Variants in MCPH1 observed in about 807,000 individuals in gnomAD.
MCPH1 encodes microcephalin.
MCPH1 carries 104 observed loss-of-function variants against 84.5 expected under a neutral mutation model. That is an observed-to-expected ratio of 1.23 (90% CI 1.05 to 1.45). MCPH1 has a LOEUF of 1.45. Ranked by LOEUF, MCPH1 falls within the 40% of genes most tolerant of loss-of-function variation. MCPH1 has a pLI of 0.00. For missense variants in MCPH1, 1,498 were observed against 1,005.7 expected, an observed-to-expected ratio of 1.49 and a Z score of -6.62; for synonymous variants, 514 against 366.8, an observed-to-expected ratio of 1.40 and a Z score of -4.58.
chr8:6,431,633 C>A lies in MCPH1; in HGVS notation c.321+47C>A. ...AGATAATGGCAATTAGGAATTTATT[C>A]GTTTTTATTTTTTATTTCTAGAAAA... is the stretch of plus-strand genomic sequence containing the variant. On this transcript the variant is annotated intron_variant, in intron 4 of 13. Transcript: ENST00000344683. 3.1e-6 allele frequency: 4 copies of A among 1,292,532 alleles called. No homozygotes were observed. In the South Asian group the frequency reaches 3.8e-5, roughly 12 times the overall value. The allele number at this position is 1,292,532 out of a possible 1,614,324, so 80.1% of individuals were successfully genotyped here.
At chr8:6,567,753 C>T (rs1826319917) in intron 12 of MCPH1, among the ~76,000 whole-genome samples, 1 of 152,114 alleles carries the variant, frequency 6.6e-6, no homozygotes, top group South Asian at 2.1e-4. Flanking sequence ...CATCTGGGAC[C>T]CCTTCACTCT....
rs535041696 is a variant in MCPH1 at position 6,409,761 on chromosome 8, G to T, written c.114+391G>T. On this transcript the variant is annotated intron_variant, in intron 2 of 13. Transcript: ENST00000344683. ...CTGGAGCTTGGAGTGTTCAAGGCTA[G>T]AGATGATGATCTAGGGGGTCAGGAC... is the stretch of plus-strand genomic sequence containing the variant. 1.5e-3 allele frequency among the ~76,000 whole-genome samples: 227 copies of T among 152,310 alleles called. 1 individual carries two copies. Among genetic ancestry groups the T allele is most frequent in the Non-Finnish European group, 2.6e-3 (180 of 68,026 alleles).
intron 12 of MCPH1, chr8:6,500,927 A>G (rs1166621398): frequency 6.6e-6 from 1 of 152,214 alleles, no homozygotes; most frequent in Admixed American, 6.5e-5. Flanking sequence ...TTTTTCCTGC[A>G]TTAGCGTTTC....
At chr8:6,483,082 T>C (rs1014508163) in intron 11 of MCPH1, among the ~76,000 whole-genome samples, 1 of 152,232 alleles carries the variant, frequency 6.6e-6, no homozygotes, top group Non-Finnish European at 1.5e-5. Flanking sequence ...GTCATCCAGA[T>C]GCAAGAATTC....
intron 12 of MCPH1, among the ~76,000 whole-genome samples, chr8:6,537,630 T>C (rs1820750690): frequency 6.6e-6 from 1 of 151,964 alleles, no homozygotes; most frequent in South Asian, 2.1e-4. Flanking sequence ...CCCACAACGT[T>C]TTGAATGATC....
At chr8:6,439,358 T>G (rs1448247951) in intron 6 of MCPH1, among the ~76,000 whole-genome samples, 2 of 99,600 alleles carry the variant, frequency 2.0e-5, no homozygotes, top group African/African-American at 5.4e-5. Flanking sequence ...TGGAATTTTT[T>G]CTTTCTTTTT....
chr8:6,642,079 T>A (rs1797972973), intron 13 of MCPH1, among the ~76,000 whole-genome samples: 1 of 152,212 alleles, frequency 6.6e-6, no homozygotes, highest in South Asian at 2.1e-4. Context: ...CATTTTTTTC[T>A]TTTTTGTACC....
intron 3 of MCPH1, among the ~76,000 whole-genome samples, chr8:6,416,417 C>T (rs750040227): frequency 1.3e-5 from 2 of 152,124 alleles, no homozygotes; most frequent in African/African-American, 2.4e-5. Flanking sequence ...TTCAGTATTT[C>T]ATTATTTCGT....
At chr8:6,452,908 G>A (rs1330786317) in intron 8 of MCPH1, among the ~76,000 whole-genome samples, 1 of 152,210 alleles carries the variant, frequency 6.6e-6, no homozygotes, top group African/African-American at 2.4e-5. Context: ...GTGCATGTTC[G>A]TTGGAATTTC....
In MCPH1 at chr8:6,455,247, A is replaced by C. The variant is rs201848494; in HGVS notation, c.1930A>C (p.Lys644Gln). 1.7e-5 allele frequency: 28 copies of C among 1,605,544 alleles called. 1 individual carries two copies. In the South Asian group the frequency reaches 2.7e-4, roughly 16 times the overall value. Residue 644 changes from lysine (K) to glutamine (Q), a missense_variant, in exon 9 of 14, where the codon AAA (lysine) becomes CAA (glutamine). By Grantham distance (53) the Lys-to-Gln change is moderately conservative. Transcript: ENST00000344683. ...GGAATTGAAGAAAAGTGGGAGAGGC[A>C]AAAAGGTCAGTGTGTAAAAATATTA... ...HEELKKSGRG[K>Q]KPTRTLVMTS...
chr8:6,449,233 C>G (rs1037525012), intron 8 of MCPH1, among the ~76,000 whole-genome samples: 2 of 152,198 alleles, frequency 1.3e-5, no homozygotes, highest in Admixed American at 1.3e-4. Context: ...CTCTTAGATT[C>G]TTCTCTCGAT....
At chr8:6,625,724 C>T (rs1210524681) in intron 13 of MCPH1, 47 of 971,060 alleles carry the variant, frequency 4.8e-5, no homozygotes, top group Non-Finnish European at 5.5e-5. Flanking sequence ...TTCAAGGCTG[C>T]GGTGAGCAAC....
intron 12 of MCPH1, among the ~76,000 whole-genome samples, chr8:6,602,676 T>C (rs1016295128): frequency 6.6e-6 from 1 of 152,132 alleles, no homozygotes; most frequent in Admixed American, 6.5e-5. Flanking sequence ...TTGCTTTCCT[T>C]GTTGTTTACA....
Position 6,543,949 on chromosome 8 carries a change from T to G in MCPH1, c.2214+44020T>G, listed in dbSNP as rs940057657. 2.0e-5 allele frequency among the ~76,000 whole-genome samples: 3 copies of G among 152,256 alleles called. No homozygotes were observed. The East Asian group carries it at 5.8e-4, about 29-fold the overall frequency. On this transcript the variant is annotated intron_variant, in intron 12 of 13. Coordinates refer to ENST00000344683, the MANE Select transcript of MCPH1 (RefSeq NM_024596.5). ...CAGATTATTTAACGGGGCTATGTTT[T>G]GCACCTTAATCTTTAAAGTTGCAAT...
chr8:6,617,934 T>TCTATCTAG (rs1263239755), intron 12 of MCPH1, among the ~76,000 whole-genome samples: 3 of 151,712 alleles, frequency 2.0e-5, no homozygotes, highest in Non-Finnish European at 4.4e-5. Context: ...TATCTATCTA[T>TCTATCTAG]CTATCTATCT....
At chr8:6,513,340 T>C (rs2515420) in intron 12 of MCPH1, among the ~76,000 whole-genome samples, 64,461 of 150,468 alleles carry the variant, frequency 0.43, 14,017 homozygotes, top group Middle Eastern at 0.52. Flanking sequence ...TTTTTCTTTT[T>C]TTTTTTTTTT....
chr8:6,426,497 T>C (rs1801080714), intron 3 of MCPH1, among the ~76,000 whole-genome samples: 1 of 152,248 alleles, frequency 6.6e-6, no homozygotes, highest in Non-Finnish European at 1.5e-5. Context: ...TTGCGATCTG[T>C]CCGTGTTGTT....
intron 12 of MCPH1, chr8:6,616,850 C>G (rs1166990983): frequency 2.0e-5 from 3 of 152,210 alleles, no homozygotes; most frequent in Non-Finnish European, 4.4e-5. Context: ...ACTTAATCCC[C>G]TCTTCTTTCA....
chr8:6,441,266 A>G (rs1028714626), intron 6 of MCPH1, among the ~76,000 whole-genome samples: 3 of 152,192 alleles, frequency 2.0e-5, no homozygotes, highest in Non-Finnish European at 2.9e-5. Flanking sequence ...ATGTGTATAA[A>G]CTAATTTGCC....
Sources: allele counts gnomAD v4.1 joint callset (sites outside exome capture counted in the v4.1 genomes callset), GRCh38; gene constraint gnomAD v4.1.1; transcripts MANE v1.5; gene names NCBI Gene and HGNC (gene_info 2026-07-23, HGNC 2026-07-21).